The following LRP2 variants were observed in gnomAD, a reference collection of about 807,000 sequenced individuals.
The protein encoded by LRP2 is LDL receptor related protein 2, also known as low-density lipoprotein receptor-related protein 2.
A neutral mutation model predicts 531.0 loss-of-function variants in LRP2; 172 were observed. That is an observed-to-expected ratio of 0.32 (90% CI 0.29 to 0.37). LRP2 has a LOEUF of 0.37. LRP2 is among the 10% of genes least tolerant of loss of function. LRP2 has a pLI of 1.00. For missense variants in LRP2, 5,167 were observed against 5,868.3 expected, an observed-to-expected ratio of 0.88 and a Z score of 3.90; for synonymous variants, 1,992 against 2,027.6, an observed-to-expected ratio of 0.98 and a Z score of 0.47.
At position 169,309,656 on chromosome 2, in the gene LRP2, A is replaced by G. The variant is rs534070232; in HGVS notation, c.311-2259T>C. Among the ~76,000 whole-genome samples the G allele has an allele frequency of 4.7e-4, 71 of 152,162 alleles. No homozygotes were observed. In the South Asian group the frequency reaches 5.6e-3, roughly 12 times the overall value. ...GTAGTATAGTTTGAAGTCAGGTAGC[A>G]TGATGCCTCCAGCTTTGTTCTTTTG... On this transcript the variant is annotated intron_variant, in intron 3 of 78. Transcript: ENST00000649046.
At chr2:169,234,758 C>T (rs976387457) in intron 29 of LRP2, among the ~76,000 whole-genome samples, 2 of 152,126 alleles carry the variant, frequency 1.3e-5, no homozygotes, top group African/African-American at 2.4e-5. Context: ...AAAAGCATTC[C>T]TATTTTTAAT....
chr2:169,229,414 TCAGCACTGCAG>T (rs1689322570), intron 31 of LRP2, among the ~76,000 whole-genome samples: 1 of 152,158 alleles, frequency 6.6e-6, no homozygotes, highest in African/African-American at 2.4e-5. Flanking sequence ...CACAAGCTGA[TCAGCACTGCAG>T]CCTTCCCTGG....
rs775466883 is a variant in LRP2 at position 169,231,700 on chromosome 2, G to A, written c.5227+14C>T. On this transcript the variant is annotated intron_variant, in intron 31 of 78. Coordinates refer to ENST00000649046, the MANE Select transcript of LRP2 (RefSeq NM_004525.3). Reference sequence around the variant, plus strand: ...AGCTCCATCTTCAGAGCTCACATAAGGAGCATACTATACCTCTCAAGCAAT... The same window carrying A: ...AGCTCCATCTTCAGAGCTCACATAAAGAGCATACTATACCTCTCAAGCAAT... The A allele has an allele frequency of 6.2e-7, 1 of 1,613,776 alleles. No individual in the cohort carries two copies. The highest frequency in any genetic ancestry group is 8.5e-7 in the Non-Finnish European group (1 of 1,179,866).
chr2:169,331,634 T>C (rs530630851), intron 1 of LRP2, among the ~76,000 whole-genome samples: 10 of 152,288 alleles, frequency 6.6e-5, no homozygotes, highest in African/African-American at 2.2e-4. Flanking sequence ...TTACAGGATG[T>C]TGAAAAGAAC....
chr2:169,246,162 A>T lies in LRP2; in HGVS notation c.3190+543T>A, dbSNP rs181094534. Among the ~76,000 whole-genome samples, 130 of 151,758 alleles carry T rather than the reference A, an allele frequency of 8.6e-4. 1 individual carries two copies. Among genetic ancestry groups the T allele is most frequent in the African/African-American group, 3.0e-3 (126 of 41,378 alleles). The stretch of plus-strand genomic sequence containing the variant: ...CAGCTATTTGTAATTTTATATACAT[A>T]TTTTTTTCTGAGCTCATCTATTTCT... On this transcript the variant is annotated intron_variant, in intron 21 of 78. Coordinates refer to ENST00000649046, the MANE Select transcript of LRP2 (RefSeq NM_004525.3).
chr2:169,195,169 G>A (rs1287501492), intron 46 of LRP2, among the ~76,000 whole-genome samples: 1 of 152,080 alleles, frequency 6.6e-6, no homozygotes, highest in Non-Finnish European at 1.5e-5. Flanking sequence ...CCAACCACTA[G>A]GAAAAGGATA....
intron 1 of LRP2, among the ~76,000 whole-genome samples, chr2:169,326,372 C>T (rs1006537665): frequency 2.7e-5 from 4 of 150,752 alleles, no homozygotes; most frequent in South Asian, 4.3e-4. Flanking sequence ...CGCGCCACCA[C>T]GCCTGACTGG....
chr2:169,321,606 C>G (rs1684911257), intron 1 of LRP2, among the ~76,000 whole-genome samples: 1 of 152,052 alleles, frequency 6.6e-6, no homozygotes, highest in African/African-American at 2.4e-5. Context: ...ATTACTAAAT[C>G]ATATATAGCA....
intron 28 of LRP2, 73 bp from the exon 29 acceptor site, chr2:169,236,141 T>C: frequency 9.4e-7 from 1 of 1,062,312 alleles, no homozygotes. Flanking sequence ...TTTTAAATAA[T>C]ACAACATCCT....
In LRP2 at chr2:169,239,531, A is replaced by G. The variant is rs1689728703; in HGVS notation, c.4290T>C (p.Val1430=). The G allele has an allele frequency of 1.2e-6, 2 of 1,613,946 alleles. No homozygotes were observed. The highest frequency in any genetic ancestry group is 8.5e-7 in the Non-Finnish European group (1 of 1,179,936). ...TCGGGTTAGTTCAGCAATTACCTGTAACTTTGCAAGTCCTCCCATCACTTT... is the reference window on the plus strand; with the variant it reads ...TCGGGTTAGTTCAGCAATTACCTGTGACTTTGCAAGTCCTCCCATCACTTT... The part of the protein sequence containing the change: ...MLESDGRTCK[V]TASESLLLLV... Residue 1430 remains valine (V), a synonymous_variant, in exon 26 of 79, where the codon GTT becomes GTC. Transcript: ENST00000649046.
chr2:169,129,468 G>T (rs927374686), intron 77 of LRP2, among the ~76,000 whole-genome samples: 65 of 152,272 alleles, frequency 4.3e-4, no homozygotes, highest in African/African-American at 1.5e-3. Flanking sequence ...GGGTGGAGAT[G>T]GCAAAGCCAA....
chr2:169,359,021 T>C (rs760191263), intron 1 of LRP2, among the ~76,000 whole-genome samples: 3 of 151,506 alleles, frequency 2.0e-5, no homozygotes, highest in Non-Finnish European at 4.4e-5. Context: ...AAATTGGAAA[T>C]GGAAATAGGA....
intron 61 of LRP2, among the ~76,000 whole-genome samples, chr2:169,168,271 T>A (rs1255006682): frequency 1.3e-5 from 2 of 151,828 alleles, no homozygotes; most frequent in African/African-American, 4.8e-5. Flanking sequence ...CCTTTATTTA[T>A]GCATACTAGG....
Position 169,220,470 on chromosome 2 carries a change from C to T in LRP2, c.5632G>A (p.Val1878Ile). 6.2e-7 allele frequency: 1 copy of T among 1,613,352 alleles called. No individual in the cohort carries two copies. Among genetic ancestry groups the T allele is most frequent in the South Asian group, 1.1e-5 (1 of 91,076 alleles). The stretch of plus-strand genomic sequence containing the variant: ...AATACTCACCCACGAGCAGGATCAA[C>T]AGTTATGCCAATTGGAAAGCCAACT... ...LGVGFPIGIT[V>I]DPARGKLYWS... The change falls in exon 34 of 79, where the codon GTT becomes ATT. Residue 1878 changes from valine (V) to isoleucine (I), a missense_variant. Physicochemically the swap from Val to Ile is conservative, Grantham distance 29 (BLOSUM62 3). Around this residue, in one of 6 missense-constraint regions of LRP2, gnomAD observed 2,811 missense variants for 3,058.0 expected, o/e 0.92. Coordinates refer to ENST00000649046, the MANE Select transcript of LRP2 (RefSeq NM_004525.3).
rs72880427 is a variant in LRP2 at position 169,320,936 on chromosome 2, C to T, written c.80-52G>A. On this transcript the variant is annotated intron_variant, in intron 1 of 78. Coordinates refer to ENST00000649046, the MANE Select transcript of LRP2 (RefSeq NM_004525.3). ...AACTTATGCCATGCAGATATTTAAC[C>T]GAAGAAATATAAATTTTTGATAAAA... The T allele has an allele frequency of 0.051, 63,248 of 1,238,704 alleles. 1,890 individuals are homozygous for T. Among genetic ancestry groups the T allele is most frequent in the Non-Finnish European group, 0.057 (47,669 of 839,484 alleles). The allele number at this position is 1,238,704 out of a possible 1,614,324, so 76.7% of individuals were successfully genotyped here.
Position 169,168,684 on chromosome 2 carries a change from G to C in LRP2, c.11498-8C>G, listed in dbSNP as rs1455425113. On this transcript the variant is annotated splice_polypyrimidine_tract_variant and splice_region_variant and intron_variant, in intron 60 of 78. Coordinates refer to ENST00000649046, the MANE Select transcript of LRP2 (RefSeq NM_004525.3). ...CATCAGGAAAGCGTGTGGCTGCCAT[G>C]GGGGAAAAAAACATATTCAAATTAT... 1 of 1,612,542 alleles carries C rather than the reference G, an allele frequency of 6.2e-7. No homozygotes were observed. Among genetic ancestry groups the C allele is most frequent in the Admixed American group, 1.7e-5 (1 of 59,932 alleles).
chr2:169,296,490 G>A (rs1480475075), intron 4 of LRP2, among the ~76,000 whole-genome samples: 2 of 151,904 alleles, frequency 1.3e-5, no homozygotes, highest in African/African-American at 4.8e-5. Flanking sequence ...GACCAGGTGA[G>A]GTCAGCAAGC....
chr2:169,324,271 T>C (rs1397728895), intron 1 of LRP2, among the ~76,000 whole-genome samples: 1 of 152,198 alleles, frequency 6.6e-6, no homozygotes, highest in African/African-American at 2.4e-5. Flanking sequence ...ATTCCAGCAT[T>C]CGTGCTACTT....
In LRP2 at chr2:169,211,862, T is replaced by A. The variant is rs1688605699; in HGVS notation, c.6280+106A>T. ...AGTTGATTTAAAGGGAAAGGAAAGCTTCATTATGCACTGAATCCACACATG... is the reference window on the plus strand; with the variant it reads ...AGTTGATTTAAAGGGAAAGGAAAGCATCATTATGCACTGAATCCACACATG... On this transcript the variant is annotated intron_variant, in intron 37 of 78. Coordinates refer to ENST00000649046, the MANE Select transcript of LRP2 (RefSeq NM_004525.3). 9.0e-6 allele frequency: 13 copies of A among 1,448,934 alleles called. No homozygotes were observed. In the South Asian group the frequency reaches 1.4e-4, roughly 15 times the overall value. The allele number at this position is 1,448,934 out of a possible 1,614,324, so 89.8% of individuals were successfully genotyped here.
Sources: allele counts gnomAD v4.1 joint callset (sites outside exome capture counted in the v4.1 genomes callset), GRCh38; gene constraint gnomAD v4.1.1; regional missense constraint gnomAD v4.1.1; transcripts MANE v1.5; gene names NCBI Gene and HGNC (gene_info 2026-07-23, HGNC 2026-07-21).